The following ZNF266 variants were observed in gnomAD, a reference collection of about 807,000 sequenced individuals.
ZNF266 encodes the protein zinc finger protein 266.
A neutral mutation model predicts 16.4 loss-of-function variants in ZNF266; 16 were observed. The ratio of observed to expected loss-of-function variants is 0.98; its 90% CI spans 0.66 to 1.48. The LOEUF (loss-of-function observed/expected upper bound fraction) is 1.48, where lower values mean the gene tolerates loss of function less well. ZNF266 is among the 40% of genes most tolerant of loss of function. The probability of loss-of-function intolerance (pLI) is 0.00; values close to 1 mark genes in which losing one functional copy is unlikely to be tolerated. For synonymous variants in ZNF266, 262 were observed against 237.9 expected (o/e 1.10, Z -0.93); for missense variants, 738 against 689.1 (o/e 1.07, Z -0.79).
Position 9,413,710 on chromosome 19 carries a change from C to T in ZNF266, c.1416G>A (p.Glu472=). 1 of 1,614,174 alleles carries T rather than the reference C, an allele frequency of 6.2e-7. No homozygotes were observed. The highest frequency in any genetic ancestry group is 1.3e-5 in the African/African-American group (1 of 75,062). The change falls in exon 11 of 11, where the codon GAG becomes GAA. Residue 472 remains glutamate, a synonymous_variant. Transcript: ENST00000592904. ...CACATTTGACACATTCAAAAGGCTT[C>T]TCTCCAGTGTGAGTTCTTGTATGTT... ...LSEHTRTHTG[E]KPFECVKCGK... is the part of the protein sequence containing the mutation.
At chr19:9,421,976 G>T (rs1430099686) in intron 5 of ZNF266, among the ~76,000 whole-genome samples, 1 of 151,860 alleles carries the variant, frequency 6.6e-6, no homozygotes, top group South Asian at 2.1e-4. Context: ...TCAGCCTCCC[G>T]AGTAGCTGGG....
At chr19:9,427,916 AAATTAT>A (rs1222398846) in intron 5 of ZNF266, among the ~76,000 whole-genome samples, 1 of 152,194 alleles carries the variant, frequency 6.6e-6, no homozygotes, top group Non-Finnish European at 1.5e-5. Flanking sequence ...CCTGATTTAC[AAATTAT>A]AATTTAAATT....
intron 7 of ZNF266, 48 bp from the exon 8 acceptor site, chr19:9,418,679 A>C (rs1271619135): frequency 1.0e-6 from 1 of 954,966 alleles, no homozygotes; most frequent in Admixed American, 1.8e-5. Flanking sequence ...CATGTCTACC[A>C]GTGTTCACTG....
intron 9 of ZNF266, 97 bp downstream of exon 9, chr19:9,417,730 AG>A: frequency 1.0e-6 from 1 of 974,892 alleles, no homozygotes; most frequent in Admixed American, 2.0e-5. Context: ...CCTGGGTGAC[AG>A]AGTGAGACTC....
chr19:9,423,141 A>G (rs1242201628), intron 5 of ZNF266, among the ~76,000 whole-genome samples: 1 of 152,206 alleles, frequency 6.6e-6, no homozygotes, highest in Non-Finnish European at 1.5e-5. Context: ...GGGCTCAGCA[A>G]TAAGGACTTC....
intron 5 of ZNF266, among the ~76,000 whole-genome samples, chr19:9,433,018 A>G (rs1377637879): frequency 6.6e-6 from 1 of 152,170 alleles, no homozygotes. Flanking sequence ...GCCAGAGCCC[A>G]TCCTAACAGC....
In ZNF266 at chr19:9,414,506, A is replaced by G. The variant is rs1252198132; in HGVS notation, c.620T>C (p.Leu207Pro). The change falls in exon 11 of 11, where the codon CTG becomes CCG. Residue 207 changes from leucine (L) to proline (P), a missense_variant. Transcript: ENST00000592904. ...VFSQCGKAFS[L>P]NPDVVCQRTC... ...TCTCTGGCAAACAACATCTGGGTTC[A>G]GGCTGAAGGCTTTTCCACACTGACT... is the stretch of plus-strand genomic sequence containing the variant. The G allele has an allele frequency of 6.2e-7, 1 of 1,614,212 alleles. No homozygotes were observed. Among genetic ancestry groups the G allele is most frequent in the Non-Finnish European group, 8.5e-7 (1 of 1,180,006 alleles).
At chr19:9,419,855 CA>C (rs1330284181) in intron 6 of ZNF266, 1 of 147,038 alleles carries the variant, frequency 6.8e-6, no homozygotes, top group African/African-American at 2.5e-5. Context: ...GAGCTGAGAT[CA>C]TGCCACTGCA....
intron 5 of ZNF266, among the ~76,000 whole-genome samples, chr19:9,429,682 A>C (rs1431038874): frequency 6.6e-6 from 1 of 152,214 alleles, no homozygotes; most frequent in African/African-American, 2.4e-5. Context: ...ATGGACACAG[A>C]ACATTTTTTT....
intron 9 of ZNF266, among the ~76,000 whole-genome samples, chr19:9,416,310 T>G (rs948897711): frequency 1.3e-5 from 2 of 151,222 alleles, no homozygotes; most frequent in Non-Finnish European, 2.9e-5. Flanking sequence ...GGAAGGAAAG[T>G]TGAGGAATAG....
Position 9,413,765 on chromosome 19 carries a change from T to C in ZNF266, c.1361A>G (p.Lys454Arg), listed in dbSNP as rs141981354. Residue 454 changes from lysine to arginine, a missense_variant, in exon 11 of 11, where the codon AAG (lysine) becomes AGG (arginine). Lys to Arg is a conservative substitution (Grantham distance 26, BLOSUM62 2). Transcript: ENST00000592904. Reference protein sequence around the residue: ...ERPYECKECGKAFARSSRLSE... With the variant: ...ERPYECKECGRAFARSSRLSE... ...AAGGCGAGAGGATCTGGCAAAGGCC[T>C]TTCCACATTCCTTACATTCATAGGG... 6.2e-7 allele frequency: 1 copy of C among 1,614,188 alleles called. No homozygotes were observed. Among genetic ancestry groups the C allele is most frequent in the Non-Finnish European group, 8.5e-7 (1 of 1,180,040 alleles).
chr19:9,432,742 C>T (rs1270770477), intron 5 of ZNF266, among the ~76,000 whole-genome samples: 1 of 151,502 alleles, frequency 6.6e-6, no homozygotes, highest in East Asian at 1.9e-4. Context: ...GGCTATTTAT[C>T]CAATTTTTGA....
At chr19:9,424,220 C>CAA (rs55740067) in intron 5 of ZNF266, among the ~76,000 whole-genome samples, 9 of 121,626 alleles carry the variant, frequency 7.4e-5, no homozygotes, top group Non-Finnish European at 1.1e-4. Flanking sequence ...AACCAAGAGG[C>CAA]AAAAAAAAAA....
Position 9,435,194 on chromosome 19 carries a change from C to G in ZNF266, c.-557-1G>C, listed in dbSNP as rs570587779. 6.6e-6 allele frequency: 1 copy of G among 151,496 alleles called. No individual in the cohort carries two copies. Among genetic ancestry groups the G allele is most frequent in the Non-Finnish European group, 1.5e-5 (1 of 67,880 alleles). 9.4% of individuals were successfully genotyped at this position (151,496 alleles called of 1,614,324 possible). On this transcript the variant is annotated splice_acceptor_variant, in intron 1 of 10. Transcript: ENST00000592904. LOFTEE classifies it low-confidence loss of function (5UTR_SPLICE). ...TTCGAACGACGAAAACTCGTTGTTT[C>G]TGGAAAAAAAAAAGTCACAAAGAAT...
intron 5 of ZNF266, among the ~76,000 whole-genome samples, chr19:9,422,017 A>AT (rs2069993452): frequency 6.6e-6 from 1 of 151,906 alleles, no homozygotes; most frequent in Non-Finnish European, 1.5e-5. Flanking sequence ...CACCCGGCTA[A>AT]TTTTTTTGTA....
rs1347019153 is a variant in ZNF266, at chr19:9,434,791, AACTT to A, written c.-410+3_-410+6del. ...CTTAAGTGTCACGCCTGCAATGTTCAACTTACTTCAAAGCCTCCATTCCTTCTTC... is the reference window on the plus strand; with the variant it reads ...CTTAAGTGTCACGCCTGCAATGTTCAACTTCAAAGCCTCCATTCCTTCTTC... On this transcript the variant is annotated splice_donor_5th_base_variant and intron_variant, in intron 3 of 10. Coordinates refer to ENST00000592904, the MANE Select transcript of ZNF266 (RefSeq NM_001370374.1). The A allele has an allele frequency of 1.5e-4, 23 of 151,706 alleles. No individual in the cohort carries two copies. Among genetic ancestry groups the A allele is most frequent in the African/African-American group, 5.6e-4 (23 of 41,162 alleles). 9.4% of individuals were successfully genotyped at this position (151,706 alleles called of 1,614,324 possible). A position where few individuals can be genotyped will look rare whatever the true frequency, so the allele number is the denominator to read the frequency against.
chr19:9,425,984 C>A (rs1396834995), intron 5 of ZNF266, among the ~76,000 whole-genome samples: 1 of 152,140 alleles, frequency 6.6e-6, no homozygotes, highest in Non-Finnish European at 1.5e-5. Flanking sequence ...TGACTGCCCA[C>A]TGTATGGATA....
chr19:9,414,395 G>C lies in ZNF266; in HGVS notation c.731C>G (p.Thr244Ser), dbSNP rs2068672988. 16 of 1,614,170 alleles carry C rather than the reference G, an allele frequency of 9.9e-6. No homozygotes were observed. Among genetic ancestry groups the C allele is most frequent in the African/African-American group, 1.3e-5 (1 of 75,036 alleles). ...TTCATGGAGACTTTCTCCATTGTGAGTTCTTAAATGTCCCTGAAGGTGTGA... is the reference window on the plus strand; with the variant it reads ...TTCATGGAGACTTTCTCCATTGTGACTTCTTAAATGTCCCTGAAGGTGTGA... ...NHSHLQGHLR[T>S]HNGESLHEWK... The change falls in exon 11 of 11, where the codon ACT becomes AGT. Residue 244 changes from threonine (T) to serine (S), a missense_variant. Transcript: ENST00000592904.
intron 5 of ZNF266, among the ~76,000 whole-genome samples, 179 bp downstream of exon 5, chr19:9,433,489 T>C (rs1268485968): frequency 6.6e-6 from 1 of 152,230 alleles, no homozygotes; most frequent in Non-Finnish European, 1.5e-5. Flanking sequence ...TTTATGAATA[T>C]ACATATTTCC....
Sources: allele counts gnomAD v4.1 joint callset (sites outside exome capture counted in the v4.1 genomes callset), GRCh38; gene constraint gnomAD v4.1.1; transcripts MANE v1.5; gene names NCBI Gene and HGNC (gene_info 2026-07-23, HGNC 2026-07-21).